Variants in RHOH observed in about 807,000 individuals in gnomAD.
RHOH encodes the protein rho-related GTP-binding protein RhoH.
Under a neutral mutation model 13.8 loss-of-function variants are expected in RHOH, and 6 were observed. That is an observed-to-expected ratio of 0.44 (90% CI 0.24 to 0.86). The LOEUF (loss-of-function observed/expected upper bound fraction) is 0.86. Among genes scored for constraint, RHOH ranks in the 40% least tolerant of loss-of-function variants. The pLI is 0.24. For missense variants in RHOH, 147 were observed against 244.5 expected (o/e 0.60, Z 2.66); for synonymous variants, 117 against 103.0 (o/e 1.14, Z -0.82).
At chr4:40,235,522 G>C (rs1346968443) in intron 1 of RHOH, among the ~76,000 whole-genome samples, 1 of 150,100 alleles carries the variant, frequency 6.7e-6, no homozygotes, top group South Asian at 2.1e-4. Context: ...CCCAGGAGGT[G>C]GAGATTGCAG....
chr4:40,197,696 G>C (rs2109342396), intron 1 of RHOH, among the ~76,000 whole-genome samples: 1 of 152,298 alleles, frequency 6.6e-6, no homozygotes, highest in African/African-American at 2.4e-5. Context: ...GTTCAGAAAA[G>C]AAACAGAACC....
intron 1 of RHOH, among the ~76,000 whole-genome samples, chr4:40,197,888 G>C: frequency 6.6e-6 from 1 of 152,276 alleles, no homozygotes; most frequent in East Asian, 1.9e-4. Flanking sequence ...CCAGTCAGTA[G>C]CCTGAGTTGT....
rs1041889911 is a variant in RHOH at position 40,245,892 on chromosome 4, G to A, written c.*1930G>A. On this transcript the variant is annotated 3_prime_UTR_variant, in exon 3 of 3. Coordinates refer to ENST00000381799, the MANE Select transcript of RHOH (RefSeq NM_004310.5). ...AGCCAGTAAAAGGCCTGGGACCGGG[G>A]TCTTGATCTCTGGTGGGAGGATTGC... 2.6e-5 allele frequency: 4 copies of A among 152,254 alleles called. No homozygotes were observed. Among genetic ancestry groups the A allele is most frequent in the Admixed American group, 6.5e-5 (1 of 15,268 alleles). The allele number at this position is 152,254 out of a possible 1,614,324, so 9.4% of individuals were successfully genotyped here. A position where few individuals can be genotyped will look rare whatever the true frequency, so the allele number is the denominator to read the frequency against.
rs550848141 is a variant in RHOH at position 40,228,180 on chromosome 4, G to A, written c.-330-14534G>A. Among the ~76,000 whole-genome samples the A allele has an allele frequency of 7.4e-4, 112 of 152,062 alleles. 2 individuals are homozygous for A. In the South Asian group the frequency reaches 0.022, roughly 31 times the overall value. On this transcript the variant is annotated intron_variant, in intron 1 of 2. Coordinates refer to ENST00000381799, the MANE Select transcript of RHOH (RefSeq NM_004310.5). ...ATCTTGACATAGAATGTTAAATTAA[G>A]ACCTAAATGTTAAATTAAGAAAAAC...
chr4:40,219,918 C>T (rs1473470507), intron 1 of RHOH, among the ~76,000 whole-genome samples: 10 of 152,048 alleles, frequency 6.6e-5, no homozygotes, highest in East Asian at 3.9e-4. Flanking sequence ...TATATGCATT[C>T]GTACTTACAG....
chr4:40,235,286 T>G (rs1728411656), intron 1 of RHOH: 1 of 152,158 alleles, frequency 6.6e-6, no homozygotes, highest in African/African-American at 2.4e-5. Context: ...GCAACAGATG[T>G]CCTTTAAAAC....
chr4:40,231,245 C>T (rs1156538784), intron 1 of RHOH, among the ~76,000 whole-genome samples: 1 of 151,336 alleles, frequency 6.6e-6, no homozygotes, highest in Non-Finnish European at 1.5e-5. Flanking sequence ...TGAATAGACC[C>T]GTACGATGTT....
intron 1 of RHOH, among the ~76,000 whole-genome samples, chr4:40,206,612 TTCTC>T (rs1724673302): frequency 6.6e-6 from 1 of 152,208 alleles, no homozygotes; most frequent in Admixed American, 6.5e-5. Flanking sequence ...ATAGTAGTCT[TTCTC>T]TGTCTTCTTC....
At chr4:40,199,854 C>T (rs1394114853) in intron 1 of RHOH, among the ~76,000 whole-genome samples, 1 of 152,142 alleles carries the variant, frequency 6.6e-6, no homozygotes, top group Non-Finnish European at 1.5e-5. Context: ...CTTCCCCATT[C>T]CACTCTCTAG....
chr4:40,195,253 A>G (rs946743976), upstream of RHOH, among the ~76,000 whole-genome samples: 1 of 152,232 alleles, frequency 6.6e-6, no homozygotes, highest in African/African-American at 2.4e-5. Context: ...CCAGAAGTAG[A>G]TAAAGAAAAT....
intron 1 of RHOH, among the ~76,000 whole-genome samples, chr4:40,233,698 C>G (rs1218797730): frequency 1.3e-5 from 2 of 152,106 alleles, no homozygotes; most frequent in Non-Finnish European, 2.9e-5. Context: ...CAATAAAATG[C>G]TATTTGTGAA....
chr4:40,211,261 A>T (rs1725238853), intron 1 of RHOH, among the ~76,000 whole-genome samples: 1 of 151,814 alleles, frequency 6.6e-6, no homozygotes, highest in South Asian at 2.1e-4. Context: ...ATTTTTTTTA[A>T]ATTTTATTTA....
intron 1 of RHOH, among the ~76,000 whole-genome samples, chr4:40,214,616 A>C (rs1168556983): frequency 6.6e-6 from 1 of 152,246 alleles, no homozygotes; most frequent in Non-Finnish European, 1.5e-5. Flanking sequence ...AGTTGGATTC[A>C]TATGAAGAGA....
intron 1 of RHOH, among the ~76,000 whole-genome samples, chr4:40,224,002 C>T (rs1726928804): frequency 6.6e-6 from 1 of 152,038 alleles, no homozygotes; most frequent in Non-Finnish European, 1.5e-5. Context: ...GAACTCTCGA[C>T]CTCAGGTGAT....
In RHOH at chr4:40,244,560, G is replaced by A. The variant is rs752535283; in HGVS notation, c.*598G>A. On this transcript the variant is annotated 3_prime_UTR_variant, in exon 3 of 3. Transcript: ENST00000381799. ...TTCTACTTACCTGTTATTCACAGTT[G>A]GATATAAAATACAGTTCCATAAGAT... 3.9e-5 allele frequency: 8 copies of A among 203,790 alleles called. No individual in the cohort carries two copies. Among genetic ancestry groups the A allele is most frequent in the Non-Finnish European group, 7.7e-5 (7 of 90,466 alleles). 12.6% of individuals were successfully genotyped at this position (203,790 alleles called of 1,614,324 possible).
intron 1 of RHOH, among the ~76,000 whole-genome samples, chr4:40,237,309 G>A (rs1728701369): frequency 6.6e-6 from 1 of 152,146 alleles, no homozygotes; most frequent in Admixed American, 6.5e-5. Flanking sequence ...CAAAAAAATA[G>A]CCGGTCATGG....
chr4:40,207,501 G>A (rs185563418), intron 1 of RHOH, among the ~76,000 whole-genome samples: 1 of 152,274 alleles, frequency 6.6e-6, no homozygotes, highest in East Asian at 1.9e-4. Context: ...CAGCAGGAGG[G>A]TTCTACGTAA....
At chr4:40,196,669 C>A (rs141353977), upstream of RHOH, among the ~76,000 whole-genome samples, 465 of 150,760 alleles carry the variant, frequency 3.1e-3, 2 homozygotes, top group African/African-American at 0.011. Context: ...CTCAAATTAA[C>A]CAAGATTGGT....
upstream of RHOH, among the ~76,000 whole-genome samples, chr4:40,194,031 C>T (rs185326558): frequency 1.3e-4 from 20 of 152,290 alleles, no homozygotes; most frequent in East Asian, 3.7e-3. Flanking sequence ...TCTGTCCATA[C>T]AGGCAGCTGT....
Sources: allele counts gnomAD v4.1 joint callset (sites outside exome capture counted in the v4.1 genomes callset), GRCh38; gene constraint gnomAD v4.1.1; transcripts MANE v1.5; gene names NCBI Gene and HGNC (gene_info 2026-07-23, HGNC 2026-07-21).